The following LAPTM4A variants were observed in gnomAD, a reference collection of about 807,000 sequenced individuals.
The protein encoded by LAPTM4A is lysosomal protein transmembrane 4 alpha, also known as lysosomal-associated transmembrane protein 4A.
In LAPTM4A, 19 loss-of-function variants were observed where a neutral mutation model predicts 29.9. That is an observed-to-expected ratio of 0.64 (90% CI 0.44 to 0.93). The LOEUF (loss-of-function observed/expected upper bound fraction) is 0.93, where lower values mean the gene tolerates loss of function less well. LAPTM4A is among the 40% of genes least tolerant of loss of function. The pLI, the probability that LAPTM4A is intolerant of heterozygous loss-of-function variation, is 0.00. For synonymous variants in LAPTM4A, 105 were observed against 102.1 expected (o/e 1.03, Z -0.17); for missense variants, 293 against 288.5 (o/e 1.02, Z -0.11).
chr2:20,041,087 C>G lies in LAPTM4A; in HGVS notation c.112-76G>C, dbSNP rs373101241. 7.0e-4 allele frequency: 991 copies of G among 1,410,710 alleles called. 16 individuals carry two copies. In the South Asian group the frequency reaches 0.012, roughly 17 times the overall value. The allele number at this position is 1,410,710 out of a possible 1,614,324, so 87.4% of individuals were successfully genotyped here. On this transcript the variant is annotated intron_variant, in intron 1 of 6. Coordinates refer to ENST00000175091, the MANE Select transcript of LAPTM4A (RefSeq NM_014713.5). The stretch of plus-strand genomic sequence containing the variant: ...TCTTAGCACAATCTCTAGATGTCCT[C>G]TCATATTTAAGATTGTCTTACTTGA...
At position 20,033,149 on chromosome 2, in the gene LAPTM4A, G is replaced by T; in HGVS notation, c.*56C>A. 1.4e-6 allele frequency: 2 copies of T among 1,390,970 alleles called. No homozygotes were observed. Among genetic ancestry groups the T allele is most frequent in the Non-Finnish European group, 2.0e-6 (2 of 976,720 alleles). 86.2% of individuals were successfully genotyped at this position (1,390,970 alleles called of 1,614,324 possible). On this transcript the variant is annotated 3_prime_UTR_variant, in exon 7 of 7. Transcript: ENST00000175091. The stretch of plus-strand genomic sequence containing the variant: ...GAAGAGCCCTGAATTGCAGCATTCT[G>T]TAACATAAACAAACAAAAAGCTGGT...
intron 1 of LAPTM4A, among the ~76,000 whole-genome samples, chr2:20,046,654 C>T (rs760359708): frequency 2.0e-5 from 3 of 147,280 alleles, no homozygotes; most frequent in Non-Finnish European, 3.0e-5. Flanking sequence ...CACCATGCCC[C>T]GCTAATATAT....
At chr2:20,042,192 T>C (rs546576543) in intron 1 of LAPTM4A, among the ~76,000 whole-genome samples, 1 of 152,320 alleles carries the variant, frequency 6.6e-6, no homozygotes, top group East Asian at 1.9e-4. Flanking sequence ...CTTGAACTCT[T>C]GGCCTCAAGT....
intron 1 of LAPTM4A, among the ~76,000 whole-genome samples, chr2:20,048,546 G>A (rs1016846401): frequency 2.0e-5 from 3 of 152,198 alleles, no homozygotes; most frequent in African/African-American, 4.8e-5. Context: ...AGTAGAAGCC[G>A]TGGCTAGAAA....
At chr2:20,034,498 TC>T in intron 5 of LAPTM4A, 83 bp from the exon 6 acceptor site, 1 of 898,762 alleles carries the variant, frequency 1.1e-6, no homozygotes, top group Non-Finnish European at 1.9e-6. Context: ...TAGAATGCTT[TC>T]CCCACACATC....
chr2:20,036,568 A>G (rs1673681373), intron 4 of LAPTM4A, among the ~76,000 whole-genome samples: 1 of 152,194 alleles, frequency 6.6e-6, no homozygotes, highest in Non-Finnish European at 1.5e-5. Context: ...TAAATGAATG[A>G]TGAATTTGGT....
At chr2:20,034,842 G>T in intron 5 of LAPTM4A, 125 bp downstream of exon 5, 2 of 693,114 alleles carry the variant, frequency 2.9e-6, no homozygotes, top group Non-Finnish European at 5.2e-6. Flanking sequence ...CTGCTCATGT[G>T]CCAGAATAAA....
chr2:20,044,157 T>C (rs1673863153), intron 1 of LAPTM4A, among the ~76,000 whole-genome samples: 1 of 152,214 alleles, frequency 6.6e-6, no homozygotes, highest in South Asian at 2.1e-4. Flanking sequence ...GCTGATTTTT[T>C]TTGTTGCCCA....
At chr2:20,038,989 T>C (rs534925812) in intron 2 of LAPTM4A, among the ~76,000 whole-genome samples, 2 of 152,126 alleles carry the variant, frequency 1.3e-5, no homozygotes, top group East Asian at 3.9e-4. Context: ...CAATCTCAGC[T>C]CACTGCAACC....
At chr2:20,046,403 G>A (rs1673919929) in intron 1 of LAPTM4A, among the ~76,000 whole-genome samples, 1 of 152,020 alleles carries the variant, frequency 6.6e-6, no homozygotes, top group Admixed American at 6.6e-5. Flanking sequence ...ATACAACTGA[G>A]TATTCACAAT....
At chr2:20,049,158 G>C (rs1418006132) in intron 1 of LAPTM4A, among the ~76,000 whole-genome samples, 1 of 152,184 alleles carries the variant, frequency 6.6e-6, no homozygotes, top group East Asian at 1.9e-4. Flanking sequence ...TGTTAGACAA[G>C]AAACATTTGA....
At position 20,051,585 on chromosome 2, in the gene LAPTM4A, C is replaced by CA; in HGVS notation, c.-66dup. 9.4e-7 allele frequency: 1 copy of CA among 1,063,650 alleles called. No homozygotes were observed. The allele number at this position is 1,063,650 out of a possible 1,614,324, so 65.9% of individuals were successfully genotyped here. Reference sequence around the variant, plus strand: ...AACGTTCTCCACCCGCAGCCAAACTCAAACGGCTGTTTCACGGCCTCCAAA... The same window carrying CA: ...AACGTTCTCCACCCGCAGCCAAACTCAAAACGGCTGTTTCACGGCCTCCAAA... On this transcript the variant is annotated 5_prime_UTR_variant, in exon 1 of 7. Coordinates refer to ENST00000175091, the MANE Select transcript of LAPTM4A (RefSeq NM_014713.5).
Position 20,047,696 on chromosome 2 carries a change from C to CAA in LAPTM4A, c.111+3712_111+3713dup, listed in dbSNP as rs61601787. 8.6e-4 allele frequency among the ~76,000 whole-genome samples: 66 copies of CAA among 76,712 alleles called. 1 individual carries two copies. The South Asian group carries it at 0.025, about 29-fold the overall frequency. The allele number at this position is 76,712 out of a possible 152,430, so 50.3% of individuals were successfully genotyped here. ...TGGGCGACAGAGCGAGACTCCGTCT[C>CAA]AAAAAAAAAAAAAAAGGAAAGTTTT... On this transcript the variant is annotated intron_variant, in intron 1 of 6. Transcript: ENST00000175091.
chr2:20,046,109 C>T (rs189189489), intron 1 of LAPTM4A, among the ~76,000 whole-genome samples: 5 of 152,282 alleles, frequency 3.3e-5, no homozygotes, highest in South Asian at 2.1e-4. Context: ...AACCAAACAC[C>T]GCATGTTCTC....
chr2:20,049,536 G>T (rs1674007410), intron 1 of LAPTM4A, among the ~76,000 whole-genome samples: 1 of 152,152 alleles, frequency 6.6e-6, no homozygotes. Context: ...TGCATTTTGA[G>T]TTTCCTGTTT....
chr2:20,049,455 G>C (rs1003160564), intron 1 of LAPTM4A, among the ~76,000 whole-genome samples: 2 of 152,232 alleles, frequency 1.3e-5, no homozygotes, highest in Non-Finnish European at 2.9e-5. Context: ...AGGGCTTAAA[G>C]TAGGGAACAG....
chr2:20,050,408 C>T (rs1217663529), intron 1 of LAPTM4A, among the ~76,000 whole-genome samples: 1 of 152,202 alleles, frequency 6.6e-6, no homozygotes, highest in African/African-American at 2.4e-5. Context: ...AAAAACTGCA[C>T]AGTATCACCA....
intron 2 of LAPTM4A, 73 bp from the exon 3 acceptor site, chr2:20,037,687 G>A: frequency 1.1e-6 from 1 of 910,560 alleles, no homozygotes. Context: ...CTTAAAGCTA[G>A]CTTTAAAATA....
At chr2:20,043,782 G>A (rs768972748) in intron 1 of LAPTM4A, among the ~76,000 whole-genome samples, 27 of 152,150 alleles carry the variant, frequency 1.8e-4, no homozygotes, top group Non-Finnish European at 7.4e-5. Flanking sequence ...ACAACAACCC[G>A]TGAAGTAAGT....
Sources: gnomAD v4.1 joint callset for allele counts (sites outside exome capture counted in the v4.1 genomes callset) on GRCh38, gnomAD v4.1.1 for gene constraint, MANE v1.5 for transcripts, NCBI Gene and HGNC (gene_info 2026-07-23, HGNC 2026-07-21) for gene names.